Variants in SYT16 observed in about 807,000 individuals in gnomAD.
SYT16 encodes synaptotagmin 16, also known as synaptotagmin-16.
Under a neutral mutation model 61.4 loss-of-function variants are expected in SYT16, and 42 were observed. The observed-to-expected ratio is 0.68, with a 90% CI of 0.53 to 0.89. The LOEUF is 0.89. Ranked by LOEUF, SYT16 falls within the 40% of genes least tolerant of loss-of-function variation. SYT16 has a pLI of 0.00. For synonymous variants in SYT16, 314 were observed against 302.3 expected, an observed-to-expected ratio of 1.04 and a Z score of -0.40; for missense variants, 804 against 807.3, an observed-to-expected ratio of 1.00 and a Z score of 0.05.
chr14:61,914,740 A>G (rs1012054073), intron 1 of SYT16, among the ~76,000 whole-genome samples: 1 of 152,214 alleles, frequency 6.6e-6, no homozygotes, highest in Admixed American at 6.5e-5. Flanking sequence ...TTACCCAGTT[A>G]TAAGCCACCA....
rs141419755 is a variant in SYT16 at position 62,110,506 on chromosome 14, C to T, written c.*9799C>T. 116 of 152,182 alleles carry T rather than the reference C, an allele frequency of 7.6e-4. No homozygotes were observed. Among genetic ancestry groups the T allele is most frequent in the African/African-American group, 2.7e-3 (111 of 41,550 alleles). The allele number at this position is 152,182 out of a possible 1,614,324, so 9.4% of individuals were successfully genotyped here. A position where few individuals can be genotyped will look rare whatever the true frequency, so the allele number is the denominator to read the frequency against. ...TGTGATTTTTATATTAAGGTCGTAT[C>T]AACTCTTTATGTCAATATATCAAAG... On this transcript the variant is annotated 3_prime_UTR_variant, in exon 8 of 8. Coordinates refer to ENST00000683842, the MANE Select transcript of SYT16 (RefSeq NM_001367656.1).
chr14:61,986,953 T>A (rs1413631640), intron 2 of SYT16, among the ~76,000 whole-genome samples: 1 of 152,158 alleles, frequency 6.6e-6, no homozygotes, highest in Non-Finnish European at 1.5e-5. Context: ...ATTAACCTAC[T>A]CTGTGATCTC....
At chr14:61,866,441 ATTTATT>A (rs1308585757) in intron 1 of SYT16, among the ~76,000 whole-genome samples, 6 of 152,064 alleles carry the variant, frequency 3.9e-5, no homozygotes, top group African/African-American at 1.4e-4. Flanking sequence ...GATATCATCA[ATTTATT>A]TTTATTTTTG....
At chr14:61,884,917 C>T (rs1051609779) in intron 1 of SYT16, among the ~76,000 whole-genome samples, 16 of 151,974 alleles carry the variant, frequency 1.1e-4, no homozygotes, top group Non-Finnish European at 1.2e-4. Context: ...CTTTTGGGAC[C>T]CACTAAAAAC....
chr14:61,914,560 C>A (rs1288925626), intron 1 of SYT16, among the ~76,000 whole-genome samples: 1 of 152,164 alleles, frequency 6.6e-6, no homozygotes, highest in East Asian at 1.9e-4. Context: ...ACCTGTTCCT[C>A]CTCCAGTGTT....
At chr14:61,897,539 C>T (rs1239955833) in intron 1 of SYT16, among the ~76,000 whole-genome samples, 1 of 152,096 alleles carries the variant, frequency 6.6e-6, no homozygotes, top group Non-Finnish European at 1.5e-5. Context: ...TAATATCTAA[C>T]TACCACTTGG....
intron 1 of SYT16, among the ~76,000 whole-genome samples, chr14:61,959,349 G>T (rs577233821): frequency 3.3e-5 from 5 of 151,432 alleles, no homozygotes; most frequent in African/African-American, 4.9e-5. Flanking sequence ...TTTTCTCTTA[G>T]TGTCTTTCTT....
At chr14:61,904,742 G>A (rs1233946870) in intron 1 of SYT16, among the ~76,000 whole-genome samples, 2 of 152,228 alleles carry the variant, frequency 1.3e-5, no homozygotes, top group Non-Finnish European at 2.9e-5. Context: ...CTGGGCCTCT[G>A]AAGGCAGATT....
intron 1 of SYT16, among the ~76,000 whole-genome samples, chr14:61,845,121 C>T (rs940043296): frequency 6.9e-6 from 1 of 144,924 alleles, no homozygotes; most frequent in Admixed American, 7.1e-5. Context: ...GATCTCAGCT[C>T]ACTGCAACCT....
Position 62,018,298 on chromosome 14 carries a change from C to CTTTTTTTTTTTTTTT in SYT16, c.523+21770_523+21784dup, listed in dbSNP as rs776473522. Among the ~76,000 whole-genome samples the CTTTTTTTTTTTTTTT allele has an allele frequency of 5.2e-4, 27 of 51,642 alleles. 5 individuals are homozygous for CTTTTTTTTTTTTTTT. Among genetic ancestry groups the CTTTTTTTTTTTTTTT allele is most frequent in the South Asian group, 2.1e-3 (2 of 974 alleles). 33.9% of individuals were successfully genotyped at this position (51,642 alleles called of 152,430 possible). ...GGGTCTTTCTCTTCTTCTTCTTCTT[C>CTTTTTTTTTTTTTTT]TTTTTTTTTTTTTTTTTTTTTTTTT... is the stretch of plus-strand genomic sequence containing the variant. On this transcript the variant is annotated intron_variant, in intron 3 of 7. Transcript: ENST00000683842.
chr14:61,901,922 C>A (rs1594870400), intron 1 of SYT16, among the ~76,000 whole-genome samples: 1 of 151,954 alleles, frequency 6.6e-6, no homozygotes, highest in East Asian at 1.9e-4. Flanking sequence ...CCACCACTCC[C>A]AGCTAATTTT....
At chr14:61,840,240 A>G (rs1419858154) in intron 1 of SYT16, among the ~76,000 whole-genome samples, 2 of 152,170 alleles carry the variant, frequency 1.3e-5, no homozygotes, top group African/African-American at 4.8e-5. Context: ...CACATTTAAG[A>G]GCCTGTGGGA....
chr14:61,971,552 T>C (rs2051557353), intron 2 of SYT16, among the ~76,000 whole-genome samples: 5 of 152,204 alleles, frequency 3.3e-5, no homozygotes, highest in African/African-American at 9.7e-5. Flanking sequence ...CCACTGCTCT[T>C]TTTATGCCCT....
intron 1 of SYT16, among the ~76,000 whole-genome samples, chr14:61,934,890 T>C (rs954920144): frequency 6.6e-6 from 1 of 152,214 alleles, no homozygotes; most frequent in African/African-American, 2.4e-5. Flanking sequence ...GTTTAAAACT[T>C]TGTGGCTTGG....
At chr14:62,052,443 G>C (rs745410608) in intron 3 of SYT16, among the ~76,000 whole-genome samples, 46 of 152,302 alleles carry the variant, frequency 3.0e-4, no homozygotes, top group Admixed American at 8.5e-4. Flanking sequence ...TAGCTCTGAA[G>C]CTTCTGTTCT....
chr14:61,843,177 T>G (rs1297260316), intron 1 of SYT16, among the ~76,000 whole-genome samples: 1 of 152,192 alleles, frequency 6.6e-6, no homozygotes, highest in Non-Finnish European at 1.5e-5. Context: ...TCGTAGTTAT[T>G]GTACTAATTT....
At chr14:61,864,081 G>T (rs943672443) in intron 1 of SYT16, among the ~76,000 whole-genome samples, 2 of 152,192 alleles carry the variant, frequency 1.3e-5, no homozygotes, top group African/African-American at 4.8e-5. Context: ...GACTATTCTG[G>T]TAATTTGTTC....
chr14:61,829,931 G>T (rs2140232099), intron 1 of SYT16, among the ~76,000 whole-genome samples: 1 of 152,290 alleles, frequency 6.6e-6, no homozygotes, highest in African/African-American at 2.4e-5. Flanking sequence ...TGGGATTACA[G>T]GCATGAGCCA....
intron 1 of SYT16, among the ~76,000 whole-genome samples, chr14:61,819,761 C>G (rs1315453926): frequency 6.6e-6 from 1 of 152,190 alleles, no homozygotes; most frequent in Non-Finnish European, 1.5e-5. Context: ...GAAGAGAGCA[C>G]AGGCCTGGTT....
Sources: allele counts gnomAD v4.1 joint callset (sites outside exome capture counted in the v4.1 genomes callset), GRCh38; gene constraint gnomAD v4.1.1; transcripts MANE v1.5; gene names NCBI Gene and HGNC (gene_info 2026-07-23, HGNC 2026-07-21).